LEF1: variants seen among roughly 807,000 people sequenced by gnomAD.
LEF1 encodes the protein lymphoid enhancer-binding factor 1.
Under a neutral mutation model 51.2 loss-of-function variants are expected in LEF1, and 14 were observed. The observed-to-expected ratio is 0.27, with a 90% confidence interval of 0.18 to 0.43. The LOEUF is 0.43. Among genes scored for constraint, LEF1 ranks in the 20% least tolerant of loss-of-function variants. The pLI, the probability that LEF1 is intolerant of heterozygous loss-of-function variation, is 1.00. For synonymous variants in LEF1, 185 were observed against 183.2 expected, an observed-to-expected ratio of 1.01 and a Z score of -0.08; for missense variants, 386 against 512.0, an observed-to-expected ratio of 0.75 and a Z score of 2.37.
chr4:108,128,524 C>T (rs1388650825), intron 3 of LEF1, among the ~76,000 whole-genome samples: 2 of 148,658 alleles, frequency 1.3e-5, no homozygotes, highest in African/African-American at 2.5e-5. Flanking sequence ...TTTTTTTCTA[C>T]GATAAACTGA....
rs754959962 is a variant in LEF1, at chr4:108,163,639, T to C, written c.343A>G (p.Ile115Val). 1 of 1,613,942 alleles carries C rather than the reference T, an allele frequency of 6.2e-7. No homozygotes were observed. The highest frequency in any genetic ancestry group is 8.5e-7 in the Non-Finnish European group (1 of 1,179,836). ...GPSYSSYSGY[I>V]MMPNMNNDPY... Reference sequence around the variant, plus strand: ...TCGTTATTCATATTTGGCATCATTATGTACCCGGAATAACTCGAGTAGGAG... The same window carrying C: ...TCGTTATTCATATTTGGCATCATTACGTACCCGGAATAACTCGAGTAGGAG... Residue 115 changes from isoleucine (I) to valine (V), a missense_variant, in exon 3 of 12, where the codon ATA becomes GTA. By Grantham distance (29) the Ile-to-Val change is conservative. Coordinates refer to ENST00000265165, the MANE Select transcript of LEF1 (RefSeq NM_016269.5).
chr4:108,158,144 G>A (rs1402404834), intron 3 of LEF1, among the ~76,000 whole-genome samples: 1 of 151,992 alleles, frequency 6.6e-6, no homozygotes, highest in African/African-American at 2.4e-5. Context: ...CCCTAAAAGA[G>A]TTTATAGCAG....
intron 3 of LEF1, among the ~76,000 whole-genome samples, chr4:108,129,987 G>C: frequency 6.6e-6 from 1 of 152,272 alleles, no homozygotes; most frequent in Non-Finnish European, 1.5e-5. Context: ...TATGAGTAAC[G>C]ATACTATTTA....
intron 3 of LEF1, among the ~76,000 whole-genome samples, chr4:108,110,524 G>C (rs1741463050): frequency 6.6e-6 from 1 of 152,184 alleles, no homozygotes; most frequent in Admixed American, 6.5e-5. Flanking sequence ...CCACTAAAGA[G>C]ACAGACATAT....
At chr4:108,120,126 G>A (rs1262149881) in intron 3 of LEF1, among the ~76,000 whole-genome samples, 1 of 151,686 alleles carries the variant, frequency 6.6e-6, no homozygotes, top group African/African-American at 2.4e-5. Flanking sequence ...TGAACTCCTG[G>A]GCTCAAGGAA....
chr4:108,108,050 T>C (rs2110307702), intron 3 of LEF1, among the ~76,000 whole-genome samples: 1 of 152,318 alleles, frequency 6.6e-6, no homozygotes, highest in East Asian at 1.9e-4. Flanking sequence ...CAAAGCAAGC[T>C]ACAAAGTGAG....
At chr4:108,144,010 G>T (rs1647782137) in intron 3 of LEF1, among the ~76,000 whole-genome samples, 1 of 151,958 alleles carries the variant, frequency 6.6e-6, no homozygotes, top group Non-Finnish European at 1.5e-5. Flanking sequence ...GAACCTGGAG[G>T]GTCCTTATGC....
At chr4:108,150,923 C>T (rs1182832509) in intron 3 of LEF1, among the ~76,000 whole-genome samples, 1 of 152,164 alleles carries the variant, frequency 6.6e-6, no homozygotes, top group East Asian at 1.9e-4. Flanking sequence ...CTCATAATCA[C>T]ATGGAGGTTT....
intron 3 of LEF1, 44 bp from the exon 4 acceptor site, chr4:108,089,301 C>CTCCA: frequency 6.3e-7 from 1 of 1,583,444 alleles, no homozygotes; most frequent in East Asian, 2.2e-5. Context: ...GGATGCCCAG[C>CTCCA]TCCAGTCTTT....
chr4:108,131,388 T>TAA (rs34472924), intron 3 of LEF1, among the ~76,000 whole-genome samples: 2 of 139,190 alleles, frequency 1.4e-5, no homozygotes, highest in Non-Finnish European at 1.5e-5. Context: ...ACCCTATCTC[T>TAA]AAAAAAAAAA....
chr4:108,081,506 A>G, intron 6 of LEF1, 80 bp downstream of exon 6: 1 of 1,169,610 alleles, frequency 8.5e-7, no homozygotes, highest in Middle Eastern at 2.6e-4. Context: ...AGCCAACCAA[A>G]AGGCAAGCAG....
At chr4:108,148,980 C>G (rs1354230585) in intron 3 of LEF1, among the ~76,000 whole-genome samples, 1 of 152,120 alleles carries the variant, frequency 6.6e-6, no homozygotes, top group African/African-American at 2.4e-5. Context: ...TATTAAGTAG[C>G]AAGTTCTTTA....
chr4:108,065,677 A>G (rs1055157356), intron 9 of LEF1, among the ~76,000 whole-genome samples: 1 of 152,204 alleles, frequency 6.6e-6, no homozygotes, highest in Non-Finnish European at 1.5e-5. Flanking sequence ...GCACTTTTAT[A>G]GAGCCACAAA....
intron 3 of LEF1, among the ~76,000 whole-genome samples, chr4:108,115,940 G>A (rs964174372): frequency 4.0e-5 from 6 of 150,796 alleles, no homozygotes; most frequent in African/African-American, 1.5e-4. Context: ...CCTCTTTACT[G>A]CTTTCTTCCC....
intron 3 of LEF1, among the ~76,000 whole-genome samples, chr4:108,110,233 G>A (rs1476541078): frequency 6.6e-6 from 1 of 152,108 alleles, no homozygotes; most frequent in Non-Finnish European, 1.5e-5. Flanking sequence ...ACAGCAGCAG[G>A]GGTCACTAAG....
intron 2 of LEF1, among the ~76,000 whole-genome samples, chr4:108,164,810 G>A (rs964669924): frequency 6.6e-6 from 1 of 152,052 alleles, no homozygotes; most frequent in Non-Finnish European, 1.5e-5. Context: ...AGGATTTAAG[G>A]TAAGATGAGG....
chr4:108,130,929 C>T (rs1452279350), intron 3 of LEF1, among the ~76,000 whole-genome samples: 1 of 152,004 alleles, frequency 6.6e-6, no homozygotes, highest in East Asian at 1.9e-4. Flanking sequence ...TAGTAAGGTG[C>T]TAAAGAGAAA....
At chr4:108,069,506 A>C (rs1329155750) in intron 9 of LEF1, among the ~76,000 whole-genome samples, 5 of 152,222 alleles carry the variant, frequency 3.3e-5, no homozygotes, top group Admixed American at 2.0e-4. Context: ...CCTACACTGA[A>C]TAGAATATGT....
chr4:108,053,064 C>T (rs1040905537), intron 11 of LEF1, among the ~76,000 whole-genome samples: 7 of 152,304 alleles, frequency 4.6e-5, no homozygotes, highest in African/African-American at 1.4e-4. Flanking sequence ...CATTCACTTT[C>T]TTCTCTCCTT....
Sources: allele counts gnomAD v4.1 joint callset (sites outside exome capture counted in the v4.1 genomes callset), GRCh38; gene constraint gnomAD v4.1.1; transcripts MANE v1.5; gene names NCBI Gene and HGNC (gene_info 2026-07-23, HGNC 2026-07-21).